The following ERG variants were observed in gnomAD, a reference collection of about 807,000 sequenced individuals.
The protein encoded by ERG is ETS transcription factor ERG.
ERG carries 9 observed loss-of-function variants against 55.3 expected under a neutral mutation model. The observed-to-expected ratio is 0.16, with a 90% CI of 0.10 to 0.28. The LOEUF is 0.28. Ranked by LOEUF, ERG falls within the 10% of genes least tolerant of loss-of-function variation. ERG has a pLI of 1.00. For synonymous variants in ERG, 223 were observed against 237.3 expected (o/e 0.94, Z 0.55); for missense variants, 434 against 631.6 (o/e 0.69, Z 3.35).
intron 3 of ERG, among the ~76,000 whole-genome samples, chr21:38,419,019 T>C (rs1186719248): frequency 6.6e-6 from 1 of 151,764 alleles, no homozygotes; most frequent in South Asian, 2.1e-4. Context: ...AAGAGCCATG[T>C]AACCAGCATG....
intron 2 of ERG, among the ~76,000 whole-genome samples, chr21:38,543,398 A>T (rs1157582535): frequency 6.6e-6 from 1 of 150,460 alleles, no homozygotes. Context: ...ATTTTAGCAG[A>T]GGTTATTTCC....
intron 4 of ERG, 111 bp from the exon 5 acceptor site, chr21:38,402,748 A>C: frequency 1.3e-6 from 1 of 773,150 alleles, no homozygotes; most frequent in South Asian, 2.0e-5. Flanking sequence ...AAAAGAAAGA[A>C]AGAAAACCGT....
In ERG at chr21:38,476,447, G is replaced by A. The variant is rs114347183; in HGVS notation, c.18+21916C>T. ...GTTCCCTGAGATACAACACCACTCC[G>A]CATTGTTTCACCACATACCAGCATT... On this transcript the variant is annotated intron_variant, in intron 1 of 9. Coordinates refer to ENST00000288319, the MANE Select transcript of ERG (RefSeq NM_182918.4). Among the ~76,000 whole-genome samples, 721 of 152,240 alleles carry A rather than the reference G, an allele frequency of 4.7e-3. 11 individuals carry two copies. Among genetic ancestry groups the A allele is most frequent in the African/African-American group, 0.016 (676 of 41,510 alleles).
intron 1 of ERG, among the ~76,000 whole-genome samples, chr21:38,629,137 G>C (rs1404864566): frequency 6.6e-6 from 1 of 152,218 alleles, no homozygotes; most frequent in Non-Finnish European, 1.5e-5. Flanking sequence ...CCTGCTTGCA[G>C]AGTTCCCCTG....
At chr21:38,641,535 C>A (rs775725728) in intron 1 of ERG, among the ~76,000 whole-genome samples, 2 of 152,172 alleles carry the variant, frequency 1.3e-5, no homozygotes, top group Admixed American at 1.3e-4. Flanking sequence ...ACTAAAGCAA[C>A]CGGAAAGAGG....
intron 1 of ERG, among the ~76,000 whole-genome samples, chr21:38,478,051 C>T (rs1379395349): frequency 6.6e-6 from 1 of 152,234 alleles, no homozygotes; most frequent in Non-Finnish European, 1.5e-5. Flanking sequence ...AGTCATAATA[C>T]TCCAGGCCTC....
chr21:38,496,310 A>G (rs2059378959), intron 1 of ERG, among the ~76,000 whole-genome samples: 1 of 152,232 alleles, frequency 6.6e-6, no homozygotes, highest in African/African-American at 2.4e-5. Context: ...AACAGAGTGC[A>G]TTGAGACTGG....
chr21:38,644,299 G>A (rs1007143800), intron 1 of ERG, among the ~76,000 whole-genome samples: 29 of 151,592 alleles, frequency 1.9e-4, no homozygotes, highest in Non-Finnish European at 4.0e-4. Flanking sequence ...AAGAACTTTC[G>A]ATATATTATA....
At chr21:38,638,798 G>C (rs1349416100) in intron 1 of ERG, among the ~76,000 whole-genome samples, 2 of 152,144 alleles carry the variant, frequency 1.3e-5, no homozygotes, top group East Asian at 1.9e-4. Context: ...GGAAATTCAA[G>C]TGCTCCCTCC....
At chr21:38,415,053 A>C (rs1012820339) in intron 3 of ERG, among the ~76,000 whole-genome samples, 14 of 152,222 alleles carry the variant, frequency 9.2e-5, no homozygotes, top group Admixed American at 9.2e-4. Context: ...GTCTACAACA[A>C]TTTAACAAAC....
intron 1 of ERG, among the ~76,000 whole-genome samples, chr21:38,580,255 C>T (rs969829491): frequency 2.0e-5 from 3 of 152,198 alleles, no homozygotes; most frequent in Non-Finnish European, 4.4e-5. Flanking sequence ...ACCTGGCCCT[C>T]TCTGACTCTT....
chr21:38,478,089 G>A (rs1281440925), intron 1 of ERG, among the ~76,000 whole-genome samples: 1 of 152,200 alleles, frequency 6.6e-6, no homozygotes, highest in African/African-American at 2.4e-5. Flanking sequence ...CAACGAGGCT[G>A]AGCCTATCTC....
chr21:38,473,159 C>CA (rs33994175), intron 1 of ERG, among the ~76,000 whole-genome samples: 3,320 of 105,818 alleles, frequency 0.031, 56 homozygotes, highest in East Asian at 0.098. Flanking sequence ...AGGATGCGCT[C>CA]AAAAAAAAAA....
At position 38,583,891 on chromosome 21, in the gene ERG, G is replaced by A. The variant is rs559819313; in HGVS notation, c.-127+953C>T. On this transcript the variant is annotated intron_variant, in intron 1 of 8. Transcript: ENST00000398897. ...ATCTTGGACATCCAGCCTCCGGAAC[G>A]GTGAGATGATGAATTTCTGTTGTTT... Among the ~76,000 whole-genome samples the A allele has an allele frequency of 1.1e-4, 16 of 152,290 alleles. 1 individual carries two copies. The South Asian group carries it at 2.9e-3, about 28-fold the overall frequency.
chr21:38,541,054 C>T (rs1373169426), intron 2 of ERG, among the ~76,000 whole-genome samples: 3 of 152,164 alleles, frequency 2.0e-5, no homozygotes, highest in African/African-American at 4.8e-5. Flanking sequence ...AATTTCACTA[C>T]ACTTGACCAC....
At position 38,545,746 on chromosome 21, in the gene ERG, T is replaced by C. The variant is rs149363809; in HGVS notation, c.-41+29916A>G. Among the ~76,000 whole-genome samples, 10 of 152,352 alleles carry C rather than the reference T, an allele frequency of 6.6e-5. No homozygotes were observed. The East Asian group carries it at 1.9e-3, about 29-fold the overall frequency. On this transcript the variant is annotated intron_variant, in intron 2 of 8. Coordinates refer to the ERG transcript ENST00000398897. ...CTTCAATTACTTGCAACTTGGCTTC[T>C]ACTGAGCTCCACTGAAAAAGCTTTC...
At chr21:38,503,681 T>C (rs2059438218) in intron 2 of ERG, among the ~76,000 whole-genome samples, 1 of 152,154 alleles carries the variant, frequency 6.6e-6, no homozygotes, top group South Asian at 2.1e-4. Context: ...AGATGACACA[T>C]GAATTTAAAA....
Position 38,439,891 on chromosome 21 carries a change from A to G in ERG, c.236+5513T>C, listed in dbSNP as rs866590796. Among the ~76,000 whole-genome samples, 3 of 152,152 alleles carry G rather than the reference A, an allele frequency of 2.0e-5. No homozygotes were observed. In the South Asian group the frequency reaches 6.2e-4, roughly 32 times the overall value. The stretch of plus-strand genomic sequence containing the variant: ...AAGTCCTTCCTTTCTCTCAAAGCAC[A>G]TGGCCTTTTTCTCCGTGGGTACTGG... On this transcript the variant is annotated intron_variant, in intron 2 of 9. Transcript: ENST00000288319.
At chr21:38,589,629 G>C (rs1420665701), upstream of ERG, among the ~76,000 whole-genome samples, 3 of 152,172 alleles carry the variant, frequency 2.0e-5, no homozygotes, top group Non-Finnish European at 2.9e-5. Flanking sequence ...ATGAAGAAAG[G>C]CCATAGAGTA....
Sources: gnomAD v4.1 joint callset for allele counts (sites outside exome capture counted in the v4.1 genomes callset) on GRCh38, gnomAD v4.1.1 for gene constraint, MANE v1.5 for transcripts, NCBI Gene and HGNC (gene_info 2026-07-23, HGNC 2026-07-21) for gene names.